SMIM36: variants seen among roughly 807,000 people sequenced by gnomAD.
SMIM36 encodes small integral membrane protein 36.
chr17:55,496,170 G>A (rs1056943628), intron 1 of SMIM36, among the ~76,000 whole-genome samples: 1 of 152,182 alleles, frequency 6.6e-6, no homozygotes, highest in African/African-American at 2.4e-5. Flanking sequence ...AGCCACTCTT[G>A]GGCAAACCCT....
chr17:55,500,476 T>C (rs1909888622), intron 1 of SMIM36, among the ~76,000 whole-genome samples: 1 of 151,954 alleles, frequency 6.6e-6, no homozygotes, highest in Non-Finnish European at 1.5e-5. Context: ...TCATTTTATA[T>C]TGAAAAGATT....
chr17:55,454,610 C>A (rs959408488), intron 4 of SMIM36, among the ~76,000 whole-genome samples: 2 of 152,094 alleles, frequency 1.3e-5, no homozygotes, highest in Admixed American at 1.3e-4. Flanking sequence ...TGTATTTACA[C>A]GCCTTTTACA....
At chr17:55,468,064 C>G (rs1483926841) in intron 3 of SMIM36, 1 of 152,314 alleles carries the variant, frequency 6.6e-6, no homozygotes, top group Non-Finnish European at 1.5e-5. Context: ...ACAAAACTGT[C>G]CCACTCCTAT....
At chr17:55,487,171 G>A (rs1909622122) in intron 1 of SMIM36, among the ~76,000 whole-genome samples, 1 of 151,884 alleles carries the variant, frequency 6.6e-6, no homozygotes, top group African/African-American at 2.4e-5. Flanking sequence ...TGGACCACAG[G>A]GCGGGGAACA....
At chr17:55,497,357 C>T (rs576752260) in intron 1 of SMIM36, among the ~76,000 whole-genome samples, 9 of 152,182 alleles carry the variant, frequency 5.9e-5, no homozygotes, top group South Asian at 2.1e-4. Context: ...TTCTGCCTCC[C>T]GGGTTCAAGC....
At chr17:55,516,620 A>G in the SMIM36 span, among the ~76,000 whole-genome samples, 1 of 138,292 alleles carries the variant, frequency 7.2e-6, no homozygotes, top group South Asian at 2.2e-4. Context: ...GTGCAATGGC[A>G]CAGTCTTGGC....
chr17:55,525,550 CT>C, the SMIM36 span, among the ~76,000 whole-genome samples: 1 of 152,190 alleles, frequency 6.6e-6, no homozygotes, highest in Non-Finnish European at 1.5e-5. Flanking sequence ...TAAGATTTAA[CT>C]TTTCACCAGT....
chr17:55,516,913 A>G, the SMIM36 span, among the ~76,000 whole-genome samples: 1 of 152,232 alleles, frequency 6.6e-6, no homozygotes, highest in South Asian at 2.1e-4. Context: ...GGGAGGTGAC[A>G]AGAGATTAGA....
intron 1 of SMIM36, among the ~76,000 whole-genome samples, chr17:55,491,841 T>G (rs1909711036): frequency 6.6e-6 from 1 of 152,208 alleles, no homozygotes; most frequent in Admixed American, 6.5e-5. Context: ...TCAGCCACTT[T>G]TCTTCAACAT....
At chr17:55,462,778 A>G (rs1598447754) in intron 4 of SMIM36, among the ~76,000 whole-genome samples, 1 of 152,170 alleles carries the variant, frequency 6.6e-6, no homozygotes, top group East Asian at 1.9e-4. Context: ...TGTGGGTTAG[A>G]ATGCACAATC....
intron 4 of SMIM36, among the ~76,000 whole-genome samples, chr17:55,455,431 C>G (rs1330717832): frequency 6.8e-6 from 1 of 146,832 alleles, no homozygotes; most frequent in African/African-American, 2.5e-5. Flanking sequence ...TGCTTTTTCT[C>G]CCTAGATGAC....
intron 1 of SMIM36, among the ~76,000 whole-genome samples, chr17:55,487,116 C>A (rs1909620845): frequency 6.6e-6 from 1 of 151,948 alleles, no homozygotes; most frequent in South Asian, 2.1e-4. Context: ...AAACCAAACA[C>A]CGCATGTTCT....
intron 1 of SMIM36, among the ~76,000 whole-genome samples, chr17:55,485,617 G>C (rs1393355366): frequency 6.6e-6 from 1 of 152,002 alleles, no homozygotes; most frequent in Non-Finnish European, 1.5e-5. Flanking sequence ...AAACCAACAT[G>C]GTCTATGGTT....
At chr17:55,464,845 C>T (rs1000502728) in intron 4 of SMIM36, among the ~76,000 whole-genome samples, 1 of 152,192 alleles carries the variant, frequency 6.6e-6, no homozygotes, top group African/African-American at 2.4e-5. Context: ...TCATTCGCTC[C>T]TTTGAGAGCA....
chr17:55,456,116 CAAAAAAAAAAAAAAAAAA>C, intron 4 of SMIM36, among the ~76,000 whole-genome samples: 1 of 39,536 alleles, frequency 2.5e-5, no homozygotes, highest in Admixed American at 3.9e-4. Flanking sequence ...AAAACTGTCT[CAAAAAAAAAAAAAAAAAA>C]AAAAAAAAAA....
chr17:55,461,272 C>G (rs755632637), intron 4 of SMIM36, among the ~76,000 whole-genome samples: 1 of 152,168 alleles, frequency 6.6e-6, no homozygotes, highest in Non-Finnish European at 1.5e-5. Flanking sequence ...TTCCTTCTGT[C>G]TTTTCTCTTG....
chr17:55,488,559 C>T (rs1310610333), intron 1 of SMIM36, among the ~76,000 whole-genome samples: 1 of 152,144 alleles, frequency 6.6e-6, no homozygotes, highest in Non-Finnish European at 1.5e-5. Flanking sequence ...GTTTGCTTTT[C>T]TCATTTACTA....
intron 1 of SMIM36, among the ~76,000 whole-genome samples, chr17:55,496,997 A>C (rs1275173320): frequency 6.6e-6 from 1 of 152,206 alleles, no homozygotes; most frequent in Admixed American, 6.5e-5. Context: ...GGCATTCACT[A>C]AGTGGCTTTT....
chr17:55,530,572 C>T, the SMIM36 span, among the ~76,000 whole-genome samples: 1 of 152,184 alleles, frequency 6.6e-6, no homozygotes, highest in Non-Finnish European at 1.5e-5. Context: ...ATCAAAAGGT[C>T]AGGAGTTTGA....
Sources: allele counts gnomAD v4.1 joint callset (sites outside exome capture counted in the v4.1 genomes callset), GRCh38; gene constraint gnomAD v4.1.1; transcripts MANE v1.5; gene names NCBI Gene and HGNC (gene_info 2026-07-23, HGNC 2026-07-21).